Variants in NSMCE2 observed in about 807,000 individuals in gnomAD.
NSMCE2 encodes E3 SUMO-protein ligase NSE2.
A neutral mutation model predicts 23.8 loss-of-function variants in NSMCE2; 24 were observed. That is an observed-to-expected ratio of 1.01 (90% CI 0.73 to 1.42). The LOEUF (loss-of-function observed/expected upper bound fraction) is 1.42. NSMCE2 is among the 40% of genes most tolerant of loss of function. NSMCE2 has a pLI of 0.00. For missense variants in NSMCE2, 284 were observed against 296.5 expected (o/e 0.96, Z 0.31); for synonymous variants, 92 against 94.1 (o/e 0.98, Z 0.13).
chr8:125,168,195 G>A (rs1821994776), intron 4 of NSMCE2, among the ~76,000 whole-genome samples: 1 of 152,120 alleles, frequency 6.6e-6, no homozygotes, highest in Non-Finnish European at 1.5e-5. Context: ...ACAAGCTCAT[G>A]AAGATTGTAG....
At chr8:125,222,850 C>T (rs1824927419) in intron 5 of NSMCE2, among the ~76,000 whole-genome samples, 1 of 152,014 alleles carries the variant, frequency 6.6e-6, no homozygotes, top group Admixed American at 6.6e-5. Flanking sequence ...ATTGCTTGAG[C>T]TCCGGAGTTC....
chr8:125,356,570 G>A (rs1443275563), intron 5 of NSMCE2, among the ~76,000 whole-genome samples: 5 of 151,944 alleles, frequency 3.3e-5, no homozygotes, highest in Admixed American at 2.6e-4. Context: ...CTCGTGATCC[G>A]CCCACCTCAG....
intron 5 of NSMCE2, among the ~76,000 whole-genome samples, chr8:125,320,617 T>C (rs1829414123): frequency 1.3e-5 from 2 of 152,058 alleles, no homozygotes; most frequent in Non-Finnish European, 1.5e-5. Flanking sequence ...AAGAAAAAAC[T>C]TTCAGACTAG....
intron 5 of NSMCE2, among the ~76,000 whole-genome samples, chr8:125,317,476 C>A (rs769749977): frequency 1.4e-4 from 22 of 152,164 alleles, no homozygotes; most frequent in Non-Finnish European, 2.1e-4. Context: ...GGATTACAGG[C>A]GTGCACCACC....
intron 5 of NSMCE2, among the ~76,000 whole-genome samples, chr8:125,291,190 A>G (rs899472787): frequency 6.6e-6 from 1 of 152,214 alleles, no homozygotes; most frequent in African/African-American, 2.4e-5. Flanking sequence ...GTTAAAACCC[A>G]AAGTAGCTGT....
chr8:125,164,565 A>G (rs554747366), intron 4 of NSMCE2, among the ~76,000 whole-genome samples: 2 of 152,280 alleles, frequency 1.3e-5, no homozygotes, highest in East Asian at 3.9e-4. Flanking sequence ...TGTGTTAGAG[A>G]GGGATTCTAT....
intron 4 of NSMCE2, among the ~76,000 whole-genome samples, chr8:125,178,886 G>A (rs993222525): frequency 2.6e-4 from 39 of 152,052 alleles, no homozygotes; most frequent in African/African-American, 8.7e-4. Flanking sequence ...ATAATAATAA[G>A]TCATTAAGTT....
In NSMCE2 at chr8:125,114,089, T is replaced by G. The variant is rs114160822; in HGVS notation, c.157+11602T>G. Among the ~76,000 whole-genome samples, 284 of 152,286 alleles carry G rather than the reference T, an allele frequency of 1.9e-3. 2 individuals are homozygous for G. Among genetic ancestry groups the G allele is most frequent in the African/African-American group, 6.4e-3 (265 of 41,566 alleles). On this transcript the variant is annotated intron_variant, in intron 3 of 7. Coordinates refer to ENST00000287437, the MANE Select transcript of NSMCE2 (RefSeq NM_173685.4). ...CTTCTGAAAATCTGAACATAAATAT[T>G]TTGCCCGGTATGTCTAGGCCCTTGA...
intron 5 of NSMCE2, among the ~76,000 whole-genome samples, chr8:125,265,902 C>T (rs1368739992): frequency 6.6e-6 from 1 of 151,862 alleles, no homozygotes; most frequent in African/African-American, 2.4e-5. Context: ...ACTTTTTTTT[C>T]CTGTAAATGT....
At chr8:125,142,037 C>T (rs948806829) in intron 3 of NSMCE2, among the ~76,000 whole-genome samples, 2 of 152,084 alleles carry the variant, frequency 1.3e-5, no homozygotes, top group Non-Finnish European at 2.9e-5. Context: ...ACCTAGAGAG[C>T]TAAGAGAGCT....
chr8:125,220,054 C>T (rs568643906), intron 5 of NSMCE2, among the ~76,000 whole-genome samples: 1 of 152,282 alleles, frequency 6.6e-6, no homozygotes, highest in Non-Finnish European at 1.5e-5. Flanking sequence ...GCAGACCAAA[C>T]CCACCCATGG....
At chr8:125,322,954 G>A (rs1225511824) in intron 5 of NSMCE2, among the ~76,000 whole-genome samples, 1 of 152,216 alleles carries the variant, frequency 6.6e-6, no homozygotes, top group African/African-American at 2.4e-5. Flanking sequence ...ACCTACTTGG[G>A]AGGCTGAGGT....
At chr8:125,237,137 G>A (rs780075474) in intron 5 of NSMCE2, among the ~76,000 whole-genome samples, 65 of 152,184 alleles carry the variant, frequency 4.3e-4, no homozygotes, top group Non-Finnish European at 8.8e-4. Flanking sequence ...CAAATGTGGA[G>A]TCCACCATGT....
chr8:125,180,751 C>G (rs896726583), intron 4 of NSMCE2, among the ~76,000 whole-genome samples: 1 of 152,142 alleles, frequency 6.6e-6, no homozygotes, highest in African/African-American at 2.4e-5. Context: ...TAGATTATCT[C>G]TAAGCTGTCT....
chr8:125,241,652 G>A (rs1458799641), intron 5 of NSMCE2, among the ~76,000 whole-genome samples: 1 of 152,228 alleles, frequency 6.6e-6, no homozygotes, highest in Non-Finnish European at 1.5e-5. Context: ...ATGGAGGTGG[G>A]TTGGAGGAAG....
chr8:125,316,707 CTTCTTTCCTTCTTTCTTTCCTTCTT>C (rs1829209135), intron 5 of NSMCE2, among the ~76,000 whole-genome samples: 2 of 91,672 alleles, frequency 2.2e-5, no homozygotes, highest in Admixed American at 1.2e-4. Context: ...TCCTTCCTTC[CTTCTTTCCTTCTTTCTTTCCTTCTT>C]TTCCTTCCTT....
At chr8:125,169,752 C>G (rs1360185165) in intron 4 of NSMCE2, among the ~76,000 whole-genome samples, 6 of 151,990 alleles carry the variant, frequency 3.9e-5, no homozygotes, top group Non-Finnish European at 1.5e-5. Flanking sequence ...CCTGCCTTTT[C>G]CATAACTTTA....
At chr8:125,197,559 A>G (rs572015568) in intron 5 of NSMCE2, among the ~76,000 whole-genome samples, 1 of 152,246 alleles carries the variant, frequency 6.6e-6, no homozygotes, top group South Asian at 2.1e-4. Context: ...TGGTCTGTAT[A>G]TCTGTTTTGG....
At chr8:125,292,337 T>C (rs555853263) in intron 5 of NSMCE2, among the ~76,000 whole-genome samples, 176 of 151,994 alleles carry the variant, frequency 1.2e-3, no homozygotes, top group African/African-American at 4.0e-3. Context: ...GGTGGATCAC[T>C]TGAGGTCAGG....
Sources: allele counts gnomAD v4.1 joint callset (sites outside exome capture counted in the v4.1 genomes callset), GRCh38; gene constraint gnomAD v4.1.1; transcripts MANE v1.5; gene names NCBI Gene and HGNC (gene_info 2026-07-23, HGNC 2026-07-21).